Variants in IL15 observed in about 807,000 individuals in gnomAD.
IL15 encodes the protein interleukin 15.
IL15 carries 11 observed loss-of-function variants against 19.6 expected under a neutral mutation model. The ratio of observed to expected loss-of-function variants is 0.56; its 90% CI spans 0.35 to 0.93. IL15 has a LOEUF of 0.93. Ranked by LOEUF, IL15 falls within the 40% of genes least tolerant of loss-of-function variation. The probability of loss-of-function intolerance (pLI) is 0.01; values close to 1 mark genes in which losing one functional copy is unlikely to be tolerated. For missense variants in IL15, 197 were observed against 186.5 expected, an observed-to-expected ratio of 1.06 and a Z score of -0.33; for synonymous variants, 58 against 59.6, an observed-to-expected ratio of 0.97 and a Z score of 0.12.
At chr4:141,666,053 A>C (rs796547696) in intron 2 of IL15, among the ~76,000 whole-genome samples, 8 of 151,324 alleles carry the variant, frequency 5.3e-5, no homozygotes, top group African/African-American at 1.9e-4. Context: ...AGAAAACAGA[A>C]TCTCTCTCAG....
chr4:141,718,216 C>T (rs1305665045), intron 2 of IL15: 2 of 151,880 alleles, frequency 1.3e-5, no homozygotes, highest in Non-Finnish European at 1.5e-5. Context: ...AAAGTAGCTT[C>T]GTAAGGCCTA....
Position 141,722,027 on chromosome 4 carries a change from A to G in IL15, c.195+19A>G. On this transcript the variant is annotated intron_variant, in intron 5 of 7. Transcript: ENST00000320650. ...TATTCAAGTGAGTACTCATTTTTCC[A>G]TAAAATGCCTGGTATAACTGCTATG... is the stretch of plus-strand genomic sequence containing the variant. 2 of 1,560,174 alleles carry G rather than the reference A, an allele frequency of 1.3e-6. No individual in the cohort carries two copies. The highest frequency in any genetic ancestry group is 1.8e-6 in the Non-Finnish European group (2 of 1,141,612).
chr4:141,687,068 C>G (rs963216999), intron 2 of IL15, among the ~76,000 whole-genome samples: 5 of 152,268 alleles, frequency 3.3e-5, no homozygotes, highest in African/African-American at 1.2e-4. Context: ...CTGACTTCCT[C>G]CCTGGCTTTT....
chr4:141,696,947 C>A (rs1275689822), intron 2 of IL15, among the ~76,000 whole-genome samples: 1 of 151,924 alleles, frequency 6.6e-6, no homozygotes, highest in African/African-American at 2.4e-5. Flanking sequence ...AATATTTTCT[C>A]CCAATTTGTG....
At chr4:141,723,036 A>G (rs527359110) in intron 5 of IL15, among the ~76,000 whole-genome samples, 15 of 152,256 alleles carry the variant, frequency 9.9e-5, no homozygotes, top group African/African-American at 3.4e-4. Context: ...TATGGTTAGT[A>G]TCACAGGAGA....
At chr4:141,705,209 G>A (rs765494301) in intron 2 of IL15, among the ~76,000 whole-genome samples, 2 of 151,628 alleles carry the variant, frequency 1.3e-5, no homozygotes, top group Non-Finnish European at 2.9e-5. Flanking sequence ...TTTGGTGTAG[G>A]CATTTACTAT....
At chr4:141,674,124 G>T (rs1236718746) in intron 2 of IL15, among the ~76,000 whole-genome samples, 1 of 152,156 alleles carries the variant, frequency 6.6e-6, no homozygotes, top group Non-Finnish European at 1.5e-5. Flanking sequence ...TGCTTACTAG[G>T]ATTCCATAAT....
intron 1 of IL15, among the ~76,000 whole-genome samples, chr4:141,640,282 A>G (rs1277825021): frequency 6.6e-6 from 1 of 151,844 alleles, no homozygotes; most frequent in Non-Finnish European, 1.5e-5. Flanking sequence ...TTGAATAACC[A>G]TTGCATTTTT....
intron 1 of IL15, among the ~76,000 whole-genome samples, chr4:141,653,867 T>C (rs1197791350): frequency 6.6e-6 from 1 of 152,204 alleles, no homozygotes; most frequent in Non-Finnish European, 1.5e-5. Flanking sequence ...TCTCATGAGA[T>C]GTTCAATATC....
At chr4:141,692,394 G>A (rs527324772) in intron 2 of IL15, among the ~76,000 whole-genome samples, 3 of 152,226 alleles carry the variant, frequency 2.0e-5, no homozygotes, top group Admixed American at 6.5e-5. Context: ...CTGCAGGCTT[G>A]AATTTCTCCA....
At chr4:141,691,686 C>T (rs1205901970) in intron 2 of IL15, among the ~76,000 whole-genome samples, 1 of 152,210 alleles carries the variant, frequency 6.6e-6, no homozygotes, top group Non-Finnish European at 1.5e-5. Flanking sequence ...CTCCATGTCT[C>T]ATATCCTGGG....
intron 1 of IL15, chr4:141,637,099 C>G (rs1424906372): frequency 3.3e-5 from 5 of 152,300 alleles, no homozygotes; most frequent in African/African-American, 1.2e-4. Flanking sequence ...CCCCGCGCTC[C>G]GCTGGGAGGG....
intron 7 of IL15, among the ~76,000 whole-genome samples, 155 bp downstream of exon 7, chr4:141,730,139 T>G (rs193230803): frequency 5.7e-4 from 87 of 152,274 alleles, no homozygotes; most frequent in African/African-American, 1.5e-3. Flanking sequence ...ATCTCCAGCA[T>G]GCACACAATG....
intron 2 of IL15, among the ~76,000 whole-genome samples, chr4:141,697,541 G>A (rs374750531): frequency 3.3e-5 from 5 of 152,052 alleles, no homozygotes; most frequent in South Asian, 4.2e-4. Context: ...TTCTAGTTCC[G>A]TGAAGAATAA....
intron 2 of IL15, among the ~76,000 whole-genome samples, chr4:141,681,549 T>C (rs541631162): frequency 1.3e-5 from 2 of 152,272 alleles, no homozygotes; most frequent in African/African-American, 4.8e-5. Flanking sequence ...TTCTTTCATC[T>C]TTTCTGATAA....
At chr4:141,693,231 T>G (rs973113707) in intron 2 of IL15, among the ~76,000 whole-genome samples, 5 of 151,976 alleles carry the variant, frequency 3.3e-5, no homozygotes, top group Admixed American at 3.3e-4. Flanking sequence ...TCAGATCTTG[T>G]GAGAGCTCCC....
intron 2 of IL15, among the ~76,000 whole-genome samples, chr4:141,704,883 T>C (rs898741923): frequency 6.6e-6 from 1 of 151,940 alleles, no homozygotes; most frequent in Admixed American, 6.6e-5. Flanking sequence ...TTATTCATAA[T>C]AGTCTCTCAT....
At chr4:141,711,520 C>A (rs563717993) in intron 2 of IL15, among the ~76,000 whole-genome samples, 2 of 152,142 alleles carry the variant, frequency 1.3e-5, no homozygotes, top group Admixed American at 6.5e-5. Flanking sequence ...GTAATTATGT[C>A]ATATGTGCTT....
chr4:141,682,500 G>A (rs1207064699), intron 2 of IL15, among the ~76,000 whole-genome samples: 1 of 152,136 alleles, frequency 6.6e-6, no homozygotes, highest in East Asian at 1.9e-4. Flanking sequence ...ACTTCTGCAT[G>A]TCCATAACAC....
Sources: allele counts gnomAD v4.1 joint callset (sites outside exome capture counted in the v4.1 genomes callset), GRCh38; gene constraint gnomAD v4.1.1; transcripts MANE v1.5; gene names NCBI Gene and HGNC (gene_info 2026-07-23, HGNC 2026-07-21).